The following ADAM28 variants were observed in gnomAD, a reference collection of about 807,000 sequenced individuals.
ADAM28 encodes disintegrin and metalloproteinase domain-containing protein 28.
In ADAM28, 105 loss-of-function variants were observed where a neutral mutation model predicts 101.2. The observed-to-expected ratio is 1.04, with a 90% CI of 0.89 to 1.22. ADAM28 has a LOEUF of 1.22. Among genes scored for constraint, ADAM28 ranks in the 50% most tolerant of loss-of-function variants. The probability of loss-of-function intolerance (pLI) is 0.00; values close to 1 mark genes in which losing one functional copy is unlikely to be tolerated. For synonymous variants in ADAM28, 322 were observed against 310.6 expected (o/e 1.04, Z -0.39); for missense variants, 1,028 against 945.4 (o/e 1.09, Z -1.15).
chr8:24,332,982 A>G (rs78996667), intron 13 of ADAM28, among the ~76,000 whole-genome samples: 2,173 of 152,326 alleles, frequency 0.014, 56 homozygotes, highest in African/African-American at 0.049. Flanking sequence ...AATGCAGAGT[A>G]GAAAATGAAC....
At chr8:24,307,516 A>C (rs1265082797) in intron 2 of ADAM28, among the ~76,000 whole-genome samples, 1 of 152,218 alleles carries the variant, frequency 6.6e-6, no homozygotes, top group Non-Finnish European at 1.5e-5. Context: ...TGAATATTTT[A>C]TTCATAATCA....
intron 11 of ADAM28, 23 bp downstream of exon 11, chr8:24,330,138 G>A (rs1813180622): frequency 6.2e-7 from 1 of 1,607,592 alleles, no homozygotes; most frequent in Non-Finnish European, 8.5e-7. Context: ...GGGCCCTGGG[G>A]ACATGCTATG....
Position 24,356,880 on chromosome 8 carries a change from GGCTTTTA to G in ADAM28, c.*2483_*2489del, listed in dbSNP as rs1176716545. The G allele has an allele frequency of 2.0e-5, 3 of 152,138 alleles. No homozygotes were observed. The highest frequency in any genetic ancestry group is 6.6e-5 in the Admixed American group (1 of 15,264). The allele number at this position is 152,138 out of a possible 1,614,324, so 9.4% of individuals were successfully genotyped here. ...ACTGGTTTTATATGGCCTTTGGGAA[GGCTTTTA>G]GCTTTTTATAAAATAATGAAGTATG... On this transcript the variant is annotated 3_prime_UTR_variant, in exon 23 of 23. Coordinates refer to ENST00000265769, the MANE Select transcript of ADAM28 (RefSeq NM_014265.6).
chr8:24,314,464 T>G (rs1810891853), intron 6 of ADAM28, among the ~76,000 whole-genome samples: 1 of 152,144 alleles, frequency 6.6e-6, no homozygotes, highest in African/African-American at 2.4e-5. Context: ...TTGACCTTAC[T>G]TTTATTTCTT....
chr8:24,331,113 T>C, intron 11 of ADAM28, 37 bp from the exon 12 acceptor site: 1 of 1,571,640 alleles, frequency 6.4e-7, no homozygotes, highest in Non-Finnish European at 8.6e-7. Flanking sequence ...ATGTTAAGCA[T>C]GACTATATTC....
chr8:24,336,142 C>T, intron 14 of ADAM28: 1 of 985,056 alleles, frequency 1.0e-6, no homozygotes, highest in Non-Finnish European at 1.2e-6. Context: ...ATGCAGAAAG[C>T]CAATAAAGAA....
chr8:24,302,976 G>A (rs1018942974), intron 2 of ADAM28, among the ~76,000 whole-genome samples: 1 of 136,254 alleles, frequency 7.3e-6, no homozygotes, highest in African/African-American at 2.8e-5. Flanking sequence ...GTGTCCATGT[G>A]TTCTCATTGT....
At chr8:24,351,158 A>C in intron 19 of ADAM28, 74 bp from the exon 20 acceptor site, 1 of 1,236,478 alleles carries the variant, frequency 8.1e-7, no homozygotes, top group Non-Finnish European at 1.1e-6. Flanking sequence ...GAAGTTGGGA[A>C]TCTTCTACGG....
At chr8:24,304,581 A>G (rs576604732) in intron 2 of ADAM28, among the ~76,000 whole-genome samples, 11 of 152,210 alleles carry the variant, frequency 7.2e-5, no homozygotes, top group Admixed American at 2.0e-4. Context: ...AGATTATGCT[A>G]TGGGCTGGGT....
At chr8:24,324,561 G>C (rs1446914391) in intron 9 of ADAM28, among the ~76,000 whole-genome samples, 3 of 151,982 alleles carry the variant, frequency 2.0e-5, no homozygotes, top group African/African-American at 4.8e-5. Flanking sequence ...GAAGTTACTG[G>C]AGAGGCTATT....
At chr8:24,342,003 A>G (rs1814833320) in intron 16 of ADAM28, among the ~76,000 whole-genome samples, 1 of 152,026 alleles carries the variant, frequency 6.6e-6, no homozygotes, top group Non-Finnish European at 1.5e-5. Context: ...GAAATAATTG[A>G]CTCTCATAGT....
rs1816763633 is a variant in ADAM28, at chr8:24,357,588, C to T, written c.*3184C>T. On this transcript the variant is annotated 3_prime_UTR_variant, in exon 23 of 23. Transcript: ENST00000265769. Reference sequence around the variant, plus strand: ...ACAAAAGCATGGGGGAAACCACCCCCATGATCCAATCACCTCCCACCTGGT... The same window carrying T: ...ACAAAAGCATGGGGGAAACCACCCCTATGATCCAATCACCTCCCACCTGGT... The T allele has an allele frequency of 6.6e-6, 1 of 152,132 alleles. No individual in the cohort carries two copies. 9.4% of individuals were successfully genotyped at this position (152,132 alleles called of 1,614,324 possible).
At position 24,357,520 on chromosome 8, in the gene ADAM28, A is replaced by G. The variant is rs1056007335; in HGVS notation, c.*3116A>G. 4 of 152,116 alleles carry G rather than the reference A, an allele frequency of 2.6e-5. No individual in the cohort carries two copies. Among genetic ancestry groups the G allele is most frequent in the Admixed American group, 2.6e-4 (4 of 15,242 alleles). 9.4% of individuals were successfully genotyped at this position (152,116 alleles called of 1,614,324 possible). A position where few individuals can be genotyped will look rare whatever the true frequency, so the allele number is the denominator to read the frequency against. The stretch of plus-strand genomic sequence containing the variant: ...ATGTGTATGAAGGAGGAACTGTCAA[A>G]CACTTATAAAACCATCAGATCTCTT... On this transcript the variant is annotated 3_prime_UTR_variant, in exon 23 of 23. Transcript: ENST00000265769.
intron 21 of ADAM28, 77 bp from the exon 22 acceptor site, chr8:24,353,693 T>TAAGGAAATAAATATAG: frequency 6.0e-6 from 6 of 993,396 alleles, no homozygotes; most frequent in Non-Finnish European, 7.8e-6. Flanking sequence ...ATAATTTCAT[T>TAAGGAAATAAATATAG]AAGGAAATAA....
In ADAM28 at chr8:24,330,082, C is replaced by T. The variant is rs757107489; in HGVS notation, c.1070C>T (p.Pro357Leu). 1.9e-6 allele frequency: 3 copies of T among 1,613,560 alleles called. No homozygotes were observed. The highest frequency in any genetic ancestry group is 2.5e-6 in the Non-Finnish European group (3 of 1,179,720). ...CATGACGACTATTCTTGCAAGTGTC[C>T]TTCTACAATATGTGTGATGGACAAA... ...MFHDDYSCKC[P>L]STICVMDKAL... Residue 357 changes from proline (P) to leucine (L), a missense_variant, in exon 11 of 23, where the codon CCT (proline) becomes CTT (leucine). Coordinates refer to ENST00000265769, the MANE Select transcript of ADAM28 (RefSeq NM_014265.6).
chr8:24,350,684 A>G (rs1815994022), intron 19 of ADAM28, among the ~76,000 whole-genome samples: 1 of 152,114 alleles, frequency 6.6e-6, no homozygotes, highest in Non-Finnish European at 1.5e-5. Context: ...CATGAGTTTC[A>G]TTTTACAGAT....
intron 11 of ADAM28, 22 bp from the exon 12 acceptor site, chr8:24,331,128 T>A (rs1813304943): frequency 6.3e-7 from 1 of 1,592,466 alleles, no homozygotes; most frequent in African/African-American, 1.4e-5. Flanking sequence ...ATATTCCAGT[T>A]TTTCTTTCCT....
intron 6 of ADAM28, among the ~76,000 whole-genome samples, chr8:24,318,854 C>T (rs1349846055): frequency 6.6e-6 from 1 of 152,018 alleles, no homozygotes; most frequent in Non-Finnish European, 1.5e-5. Flanking sequence ...CTCTGCCTGA[C>T]CTGCCCATCC....
At chr8:24,343,209 G>A in intron 17 of ADAM28, 28 bp downstream of exon 17, 1 of 1,606,302 alleles carries the variant, frequency 6.2e-7, no homozygotes, top group East Asian at 2.2e-5. Flanking sequence ...GTTTCCCTAA[G>A]CTCTCTGAAT....
Sources: allele counts gnomAD v4.1 joint callset (sites outside exome capture counted in the v4.1 genomes callset), GRCh38; gene constraint gnomAD v4.1.1; transcripts MANE v1.5; gene names NCBI Gene and HGNC (gene_info 2026-07-23, HGNC 2026-07-21).